Variants in DOK6 observed in about 807,000 individuals in gnomAD.
DOK6 encodes the protein downstream of tyrosine kinase 6.
DOK6 carries 22 observed loss-of-function variants against 44.0 expected under a neutral mutation model. The observed-to-expected ratio is 0.50, with a 90% CI of 0.36 to 0.71. DOK6 has a LOEUF of 0.71. Among genes scored for constraint, DOK6 ranks in the 30% least tolerant of loss-of-function variants. The probability of loss-of-function intolerance (pLI) is 0.00; values close to 1 mark genes in which losing one functional copy is unlikely to be tolerated. For synonymous variants in DOK6, 166 were observed against 145.5 expected, an observed-to-expected ratio of 1.14 and a Z score of -1.01; for missense variants, 340 against 416.4, an observed-to-expected ratio of 0.82 and a Z score of 1.60.
chr18:69,574,262 G>C (rs1399951955), intron 2 of DOK6, among the ~76,000 whole-genome samples: 1 of 151,994 alleles, frequency 6.6e-6, no homozygotes, highest in South Asian at 2.1e-4. Context: ...ACCAGGAGGA[G>C]ACTTGACTAA....
Position 69,677,755 on chromosome 18 carries a change from G to A in DOK6, c.311G>A (p.Cys104Tyr), listed in dbSNP as rs1444703292. The A allele has an allele frequency of 6.2e-7, 1 of 1,613,694 alleles. No homozygotes were observed. Among genetic ancestry groups the A allele is most frequent in the Non-Finnish European group, 8.5e-7 (1 of 1,179,708 alleles). Residue 104 changes from cysteine (C) to tyrosine (Y), a missense_variant, in exon 4 of 8, where the codon TGC becomes TAC. Physicochemically the swap from Cys to Tyr is radical, Grantham distance 194. Transcript: ENST00000382713. The stretch of plus-strand genomic sequence containing the variant: ...TCAGAGCTGGAGGCCGAGGAGTGGT[G>A]CAAGCACCTCTGCATGGAGTGTCTG... ...CESELEAEEWCKHLCMECLGT... is the reference protein window; with the variant it reads ...CESELEAEEWYKHLCMECLGT...
intron 7 of DOK6, among the ~76,000 whole-genome samples, chr18:69,764,144 T>C (rs2144760410): frequency 6.6e-6 from 1 of 152,282 alleles, no homozygotes; most frequent in Non-Finnish European, 1.5e-5. Context: ...TGTGAAATGC[T>C]AGATCTGCCC....
At chr18:69,836,337 T>G (rs1319104274) in intron 7 of DOK6, among the ~76,000 whole-genome samples, 1 of 152,228 alleles carries the variant, frequency 6.6e-6, no homozygotes, top group Non-Finnish European at 1.5e-5. Flanking sequence ...AGCAAATGTT[T>G]TAAATGTCTC....
At chr18:69,425,299 G>A (rs1315330607) in intron 1 of DOK6, among the ~76,000 whole-genome samples, 1 of 151,694 alleles carries the variant, frequency 6.6e-6, no homozygotes, top group East Asian at 1.9e-4. Flanking sequence ...CACTATCACA[G>A]CTTGTCACAG....
chr18:69,448,728 T>G (rs150910893), intron 1 of DOK6, among the ~76,000 whole-genome samples: 1 of 152,226 alleles, frequency 6.6e-6, no homozygotes, highest in East Asian at 1.9e-4. Flanking sequence ...TGAGAGATTA[T>G]TAATTTTTGG....
At chr18:69,580,589 T>C (rs1983345006) in intron 2 of DOK6, among the ~76,000 whole-genome samples, 1 of 152,218 alleles carries the variant, frequency 6.6e-6, no homozygotes, top group Non-Finnish European at 1.5e-5. Context: ...TGGGATACAG[T>C]GTGATATTTT....
chr18:69,463,986 G>T (rs1252119115), intron 1 of DOK6, among the ~76,000 whole-genome samples: 8 of 152,032 alleles, frequency 5.3e-5, no homozygotes, highest in Admixed American at 1.3e-4. Flanking sequence ...TCAATATTTT[G>T]TTACTTAAAT....
At chr18:69,730,916 G>A (rs1978379497) in intron 5 of DOK6, among the ~76,000 whole-genome samples, 1 of 152,050 alleles carries the variant, frequency 6.6e-6, no homozygotes, top group Admixed American at 6.6e-5. Context: ...GCCTGAGCAA[G>A]AGAAACCCTA....
intron 1 of DOK6, among the ~76,000 whole-genome samples, chr18:69,423,407 A>T (rs1054528185): frequency 5.9e-5 from 9 of 152,200 alleles, no homozygotes; most frequent in African/African-American, 1.9e-4. Flanking sequence ...TTTGGTATTT[A>T]TCTGTGTTAC....
intron 7 of DOK6, chr18:69,781,374 T>A (rs1746242674): frequency 6.6e-6 from 1 of 152,180 alleles, no homozygotes; most frequent in African/African-American, 2.4e-5. Flanking sequence ...TACTTCTACA[T>A]GCAAAGTTGT....
chr18:69,464,363 C>T (rs1170808157), intron 1 of DOK6, among the ~76,000 whole-genome samples: 1 of 152,142 alleles, frequency 6.6e-6, no homozygotes, highest in Non-Finnish European at 1.5e-5. Context: ...GTTTAAATTT[C>T]AGTTATTAGG....
intron 3 of DOK6, among the ~76,000 whole-genome samples, chr18:69,617,514 GAAAAGAAAGAAA>G (rs1568312635): frequency 4.6e-5 from 1 of 21,630 alleles, no homozygotes; most frequent in Non-Finnish European, 1.1e-4. Context: ...GAGAAAGAAA[GAAAAGAAAGAAA>G]GGAAAGAAAG....
intron 4 of DOK6, among the ~76,000 whole-genome samples, chr18:69,688,879 T>A (rs1986208215): frequency 6.6e-6 from 1 of 152,192 alleles, no homozygotes; most frequent in Admixed American, 6.5e-5. Context: ...ACTGGATATC[T>A]GTGTGAAATG....
chr18:69,574,944 AAGG>A (rs1983204104), intron 2 of DOK6, among the ~76,000 whole-genome samples: 1 of 151,998 alleles, frequency 6.6e-6, no homozygotes, highest in Admixed American at 6.6e-5. Flanking sequence ...CGTGAATGGA[AAGG>A]AGGAGATAGA....
chr18:69,517,681 C>G (rs1057293589), intron 1 of DOK6, among the ~76,000 whole-genome samples: 1 of 148,056 alleles, frequency 6.8e-6, no homozygotes. Flanking sequence ...TTTGAGATGC[C>G]TTTGAATTGT....
At chr18:69,564,399 A>C in intron 1 of DOK6, 88 bp from the exon 2 acceptor site, 1 of 1,074,468 alleles carries the variant, frequency 9.3e-7, no homozygotes, top group Non-Finnish European at 1.4e-6. Flanking sequence ...TCTGAAGTAC[A>C]CTTAAAAAAT....
intron 2 of DOK6, among the ~76,000 whole-genome samples, chr18:69,594,706 TG>T (rs1983701773): frequency 6.6e-6 from 1 of 152,014 alleles, no homozygotes; most frequent in African/African-American, 2.4e-5. Context: ...ATGTATATTT[TG>T]GCCTCACACA....
At chr18:69,462,987 T>A (rs368418779) in intron 1 of DOK6, among the ~76,000 whole-genome samples, 1 of 152,216 alleles carries the variant, frequency 6.6e-6, no homozygotes, top group East Asian at 1.9e-4. Flanking sequence ...GCTAAGCATT[T>A]TGAAATATAT....
intron 3 of DOK6, chr18:69,660,222 A>G (rs1985487878): frequency 2.0e-5 from 3 of 152,168 alleles, no homozygotes; most frequent in Non-Finnish European, 4.4e-5. Context: ...AACCCTCTGC[A>G]TGGAGGCCTG....
Sources: gnomAD v4.1 joint callset for allele counts (sites outside exome capture counted in the v4.1 genomes callset) on GRCh38, gnomAD v4.1.1 for gene constraint, MANE v1.5 for transcripts, NCBI Gene and HGNC (gene_info 2026-07-23, HGNC 2026-07-21) for gene names.